SIRT2: variants seen among roughly 807,000 people sequenced by gnomAD.
SIRT2 encodes sirtuin 2.
A neutral mutation model predicts 57.4 loss-of-function variants in SIRT2; 40 were observed. The observed-to-expected ratio is 0.70, with a 90% CI of 0.54 to 0.91. The LOEUF is 0.91. Ranked by LOEUF, SIRT2 falls within the 40% of genes least tolerant of loss-of-function variation. The pLI, the probability that SIRT2 is intolerant of heterozygous loss-of-function variation, is 0.00. For synonymous variants in SIRT2, 161 were observed against 195.7 expected (o/e 0.82, Z 1.48); for missense variants, 439 against 510.4 (o/e 0.86, Z 1.35).
chr19:38,892,002 C>A, intron 4 of SIRT2: 2 of 445,528 alleles, frequency 4.5e-6, no homozygotes, highest in Non-Finnish European at 9.4e-6. Flanking sequence ...ATGTCCTCAA[C>A]AAAAGGCTGC....
intron 13 of SIRT2, 192 bp from the exon 14 acceptor site, chr19:38,879,894 C>T (rs966191432): frequency 1.7e-5 from 10 of 578,396 alleles, no homozygotes; most frequent in African/African-American, 5.6e-5. Flanking sequence ...GATGTGATCT[C>T]GGCTCACTGC....
intron 9 of SIRT2, among the ~76,000 whole-genome samples, chr19:38,882,809 G>A (rs1054236706): frequency 6.6e-5 from 10 of 152,076 alleles, no homozygotes; most frequent in South Asian, 2.1e-4. Context: ...GCATGACACC[G>A]TGGGTGCTGC....
chr19:38,889,781 G>T (rs1311969971), intron 6 of SIRT2, 36 bp from the exon 7 acceptor site: 1 of 1,614,118 alleles, frequency 6.2e-7, no homozygotes, highest in East Asian at 2.2e-5. Context: ...AGATGCCCCA[G>T]GTAGCGTGAG....
chr19:38,879,536 G>A (rs1403537760), intron 14 of SIRT2, 36 bp from the exon 15 acceptor site: 2 of 1,575,202 alleles, frequency 1.3e-6, no homozygotes, highest in Non-Finnish European at 8.6e-7. Flanking sequence ...TCCCAGGCGG[G>A]CTCGCCCCTG....
At position 38,890,006 on chromosome 19, in the gene SIRT2, C is replaced by T. The variant is rs745718254; in HGVS notation, c.269-45G>A. On this transcript the variant is annotated intron_variant, in intron 5 of 15. Transcript: ENST00000249396. ...GAGCAGTTGGTCTATACCATACTAACCCTCCCAGGACAGGGCTCAGATAGG... is the reference window on the plus strand; with the variant it reads ...GAGCAGTTGGTCTATACCATACTAATCCTCCCAGGACAGGGCTCAGATAGG... 21 of 1,610,656 alleles carry T rather than the reference C, an allele frequency of 1.3e-5. No homozygotes were observed. In the East Asian group the frequency reaches 4.7e-4, roughly 36 times the overall value.
intron 2 of SIRT2, 59 bp downstream of exon 2, chr19:38,898,320 G>A: frequency 2.3e-6 from 3 of 1,295,908 alleles, no homozygotes; most frequent in Non-Finnish European, 1.0e-6. Context: ...CCTCCCCCCA[G>A]TGTGGGATGT....
chr19:38,897,034 C>T (rs1388000110), intron 2 of SIRT2, among the ~76,000 whole-genome samples: 1 of 152,180 alleles, frequency 6.6e-6, no homozygotes, highest in Non-Finnish European at 1.5e-5. Flanking sequence ...GTGCCCAGTG[C>T]TGGGGGACTC....
chr19:38,893,653 C>T (rs1317113218), intron 3 of SIRT2, 126 bp from the exon 4 acceptor site: 7 of 1,176,174 alleles, frequency 6.0e-6, no homozygotes, highest in Non-Finnish European at 7.4e-6. Context: ...AGGCCCGGCC[C>T]AGCCAGCGGC....
Position 38,884,069 on chromosome 19 carries a change from C to A in SIRT2, c.502-313G>T, listed in dbSNP as rs569004971. 2.8e-3 allele frequency among the ~76,000 whole-genome samples: 413 copies of A among 148,074 alleles called. 2 individuals are homozygous for A. Among genetic ancestry groups the A allele is most frequent in the Admixed American group, 4.6e-3 (67 of 14,640 alleles). ...CTTGAGGCCAGGAGTTCAAGACCTG[C>A]CTGAGCAACATATCAAGACGCTTGT... On this transcript the variant is annotated intron_variant, in intron 8 of 15. Transcript: ENST00000249396.
Position 38,889,762 on chromosome 19 carries a change from C to T in SIRT2, c.376-17G>A, listed in dbSNP as rs201311892. 2.1e-5 allele frequency: 34 copies of T among 1,613,994 alleles called. No individual in the cohort carries two copies. Among genetic ancestry groups the T allele is most frequent in the Non-Finnish European group, 2.8e-5 (33 of 1,180,030 alleles). On this transcript the variant is annotated splice_polypyrimidine_tract_variant and intron_variant, in intron 6 of 15. Transcript: ENST00000249396. ...CGGATGTTTCTGTAGGAGAGACAGC[C>T]AGAGGGCCAGATGCCCCAGGTAGCG...
At position 38,888,505 on chromosome 19, in the gene SIRT2, C is replaced by T. The variant is rs752513209; in HGVS notation, c.501+582G>A. On this transcript the variant is annotated intron_variant, in intron 8 of 15. Transcript: ENST00000249396. ...TTTTTTTACTGTTAGGGGTGTGAGA[C>T]TCTCCAAACCAGAAGCCAACAATGT... is the stretch of plus-strand genomic sequence containing the variant. Among the ~76,000 whole-genome samples the T allele has an allele frequency of 8.4e-4, 128 of 152,166 alleles. 1 individual carries two copies. Among genetic ancestry groups the T allele is most frequent in the Admixed American group, 2.7e-3 (41 of 15,266 alleles).
chr19:38,894,453 G>A, intron 2 of SIRT2: 1 of 211,754 alleles, frequency 4.7e-6, no homozygotes, highest in Non-Finnish European at 9.6e-6. Context: ...ACCTTGGAAA[G>A]GGAGCTTGGG....
chr19:38,899,586 C>T lies in SIRT2; in HGVS notation c.-65G>A. 1 of 1,608,078 alleles carries T rather than the reference C, an allele frequency of 6.2e-7. No homozygotes were observed. The highest frequency in any genetic ancestry group is 8.5e-7 in the Non-Finnish European group (1 of 1,174,934). On this transcript the variant is annotated 5_prime_UTR_variant, in exon 1 of 16. Coordinates refer to ENST00000249396, the MANE Select transcript of SIRT2 (RefSeq NM_012237.4). ...TCTGTCCCGTCACCAACCACTGTGT[C>T]CCGTCACCGACTGCTCTGTCCTGTC...
rs201730617 is a variant in SIRT2 at position 38,890,113 on chromosome 19, T to G, written c.258A>C (p.Gly86=). The G allele has an allele frequency of 1.2e-6, 2 of 1,614,190 alleles. No homozygotes were observed. The highest frequency in any genetic ancestry group is 1.7e-6 in the Non-Finnish European group (2 of 1,180,030). ...CRRVICLVGA[G]ISTSAGIPDF... ...AGAAGGGTTACTTACATGTGGAGAT[T>G]CCAGCTCCCACCAAACAGATGACTC... The change falls in exon 5 of 16, where the codon GGA becomes GGC. Residue 86 remains glycine (G), a synonymous_variant. Transcript: ENST00000249396.
intron 4 of SIRT2, among the ~76,000 whole-genome samples, chr19:38,893,199 G>C (rs967669390): frequency 6.6e-6 from 1 of 152,190 alleles, no homozygotes; most frequent in Admixed American, 6.5e-5. Flanking sequence ...ATCAGAGAGA[G>C]TTATGATTTT....
intron 7 of SIRT2, chr19:38,889,478 C>T: frequency 3.0e-6 from 2 of 657,028 alleles, no homozygotes; most frequent in South Asian, 3.6e-5. Flanking sequence ...TCAGACAGTA[C>T]CATTAGCTTC....
Position 38,898,325 on chromosome 19 carries a change from G to A in SIRT2, c.63+54C>T. 6.7e-6 allele frequency: 9 copies of A among 1,337,966 alleles called. No homozygotes were observed. In the South Asian group the frequency reaches 1.1e-4, roughly 17 times the overall value. The allele number at this position is 1,337,966 out of a possible 1,614,324, so 82.9% of individuals were successfully genotyped here. A position where few individuals can be genotyped will look rare whatever the true frequency, so the allele number is the denominator to read the frequency against. On this transcript the variant is annotated intron_variant, in intron 2 of 15. Transcript: ENST00000249396. Reference sequence around the variant, plus strand: ...CCCTTTGCCACCTCCCCCCAGTGTGGGATGTGGAACAAGTCCGTCTCTCTC... The same window carrying A: ...CCCTTTGCCACCTCCCCCCAGTGTGAGATGTGGAACAAGTCCGTCTCTCTC...
rs199809344 is a variant in SIRT2 at position 38,878,867 on chromosome 19, C to T, written c.*288G>A. The T allele has an allele frequency of 2.8e-5, 10 of 357,710 alleles. No individual in the cohort carries two copies. The highest frequency in any genetic ancestry group is 4.9e-5 in the Admixed American group (1 of 20,504). 22.2% of individuals were successfully genotyped at this position (357,710 alleles called of 1,614,324 possible). ...AAAAGTTCTGGGGTAGCCCTGGCCC[C>T]GTGGGGGCAGTTAGAGATGAGGGAG... is the stretch of plus-strand genomic sequence containing the variant. On this transcript the variant is annotated 3_prime_UTR_variant, in exon 16 of 16. Transcript: ENST00000249396.
At chr19:38,885,083 C>G (rs1973283658) in intron 8 of SIRT2, among the ~76,000 whole-genome samples, 1 of 151,754 alleles carries the variant, frequency 6.6e-6, no homozygotes, top group Non-Finnish European at 1.5e-5. Context: ...GCATATTCAC[C>G]TGTGTTCTTT....
Sources: gnomAD v4.1 joint callset for allele counts (sites outside exome capture counted in the v4.1 genomes callset) on GRCh38, gnomAD v4.1.1 for gene constraint, MANE v1.5 for transcripts, NCBI Gene and HGNC (gene_info 2026-07-23, HGNC 2026-07-21) for gene names.